PTPRN2: variants seen among roughly 807,000 people sequenced by gnomAD.
PTPRN2 encodes the protein protein tyrosine phosphatase receptor type N2.
Under a neutral mutation model 118.8 loss-of-function variants are expected in PTPRN2, and 74 were observed. The observed-to-expected ratio is 0.62, with a 90% CI of 0.52 to 0.76. The LOEUF is 0.76. Among genes scored for constraint, PTPRN2 ranks in the 30% least tolerant of loss-of-function variants. The probability of loss-of-function intolerance (pLI) is 0.00; values close to 1 mark genes in which losing one functional copy is unlikely to be tolerated. For missense variants in PTPRN2, 1,481 were observed against 1,394.4 expected (o/e 1.06, Z -0.99); for synonymous variants, 641 against 608.0 (o/e 1.05, Z -0.80).
At chr7:158,561,778 CG>C (rs954526632) in intron 1 of PTPRN2, among the ~76,000 whole-genome samples, 22 of 152,138 alleles carry the variant, frequency 1.4e-4, no homozygotes, top group African/African-American at 4.8e-4. Flanking sequence ...GGAGATGGCC[CG>C]GGCCAACACC....
intron 2 of PTPRN2, among the ~76,000 whole-genome samples, chr7:158,444,449 C>T (rs975198447): frequency 2.6e-5 from 4 of 152,262 alleles, no homozygotes; most frequent in Non-Finnish European, 4.4e-5. Context: ...ACACCTGCTG[C>T]AAACGTCAGT....
rs539749375 is a variant in PTPRN2 at position 157,779,901 on chromosome 7, A to G, written c.1789-96964T>C. On this transcript the variant is annotated intron_variant, in intron 12 of 22. Coordinates refer to ENST00000389418, the MANE Select transcript of PTPRN2 (RefSeq NM_002847.5). This position sits in a 1 kb window ranked among gnomAD's most constrained non-coding sequence, Gnocchi z 4.7. ...ACGCCACTGATACCATCGACGTACAACACGCCGCAAGCAGCCCTCGAGGAA... is the reference window on the plus strand; with the variant it reads ...ACGCCACTGATACCATCGACGTACAGCACGCCGCAAGCAGCCCTCGAGGAA... Among the ~76,000 whole-genome samples the G allele has an allele frequency of 1.3e-5, 2 of 152,274 alleles. No homozygotes were observed. The highest frequency in any genetic ancestry group is 4.1e-4 in the South Asian group (2 of 4,822).
At chr7:157,559,826 G>A (rs1238321455) in intron 21 of PTPRN2, among the ~76,000 whole-genome samples, 1 of 151,414 alleles carries the variant, frequency 6.6e-6, no homozygotes, top group African/African-American at 2.4e-5. Context: ...CAGGGCTGTG[G>A]CCCCCCCCGC....
chr7:158,422,585 C>T (rs1317211028), intron 2 of PTPRN2, among the ~76,000 whole-genome samples: 1 of 152,266 alleles, frequency 6.6e-6, no homozygotes, highest in Middle Eastern at 3.2e-3. Flanking sequence ...CATCTGAAGG[C>T]CTCAGCAGCT....
chr7:158,117,691 T>A (rs2150385032), intron 9 of PTPRN2, among the ~76,000 whole-genome samples: 1 of 152,170 alleles, frequency 6.6e-6, no homozygotes, highest in South Asian at 2.1e-4. Flanking sequence ...AAGCAGTTCA[T>A]CACACACCAG....
At chr7:157,691,866 C>G (rs994709978) in intron 12 of PTPRN2, among the ~76,000 whole-genome samples, 1 of 152,204 alleles carries the variant, frequency 6.6e-6, no homozygotes, top group African/African-American at 2.4e-5. Context: ...CACCTCCCCC[C>G]CGCGCCTCCC....
At chr7:158,454,881 C>A (rs372033140) in intron 2 of PTPRN2, among the ~76,000 whole-genome samples, 1 of 152,060 alleles carries the variant, frequency 6.6e-6, no homozygotes, top group East Asian at 2.0e-4. Flanking sequence ...ACAGAGATGA[C>A]GGCTGTTGCA....
intron 6 of PTPRN2, among the ~76,000 whole-genome samples, chr7:158,155,466 T>TCATCAC (rs1290028725): frequency 6.7e-6 from 1 of 149,556 alleles, no homozygotes; most frequent in Non-Finnish European, 1.5e-5. Context: ...ATCACCATCA[T>TCATCAC]CATCACCATC....
intron 13 of PTPRN2, among the ~76,000 whole-genome samples, chr7:157,662,029 C>A (rs756711718): frequency 6.6e-6 from 1 of 152,208 alleles, no homozygotes; most frequent in Non-Finnish European, 1.5e-5. Flanking sequence ...AACTTTGGTT[C>A]TTTTCCTTGA....
chr7:158,215,847 C>T, intron 3 of PTPRN2, among the ~76,000 whole-genome samples: 1 of 152,090 alleles, frequency 6.6e-6, no homozygotes, highest in East Asian at 1.9e-4. Flanking sequence ...GTGTTTTTCA[C>T]CAGACCAACT....
At chr7:158,277,511 G>A (rs1233797075) in intron 3 of PTPRN2, among the ~76,000 whole-genome samples, 5 of 152,244 alleles carry the variant, frequency 3.3e-5, no homozygotes, top group Middle Eastern at 3.4e-3. Flanking sequence ...AAGAGGAGGC[G>A]GCTACAGTGC....
intron 14 of PTPRN2, among the ~76,000 whole-genome samples, chr7:157,623,329 C>T (rs1365874326): frequency 1.3e-5 from 2 of 152,168 alleles, no homozygotes; most frequent in African/African-American, 4.8e-5. Flanking sequence ...CTACTTTTCT[C>T]AAGTTGGGCT....
chr7:157,570,407 T>C lies in PTPRN2; in HGVS notation c.2837+1033A>G, dbSNP rs142964762. Among the ~76,000 whole-genome samples, 170 of 152,372 alleles carry C rather than the reference T, an allele frequency of 1.1e-3. 1 individual carries two copies. Among genetic ancestry groups the C allele is most frequent in the African/African-American group, 4.0e-3 (168 of 41,586 alleles). Reference sequence around the variant, plus strand: ...CATCCTCCTCTCTCATAGACAGGAATGCACACACAAAACACACATGCTTCT... The same window carrying C: ...CATCCTCCTCTCTCATAGACAGGAACGCACACACAAAACACACATGCTTCT... On this transcript the variant is annotated intron_variant, in intron 20 of 22. Coordinates refer to ENST00000389418, the MANE Select transcript of PTPRN2 (RefSeq NM_002847.5).
At chr7:157,731,431 C>A (rs1490134912) in intron 12 of PTPRN2, among the ~76,000 whole-genome samples, 1 of 152,182 alleles carries the variant, frequency 6.6e-6, no homozygotes, top group South Asian at 2.1e-4. Context: ...CAGAGGTCTC[C>A]CTGGGGACAG....
At chr7:158,420,950 G>A (rs527797449) in intron 2 of PTPRN2, among the ~76,000 whole-genome samples, 3 of 152,334 alleles carry the variant, frequency 2.0e-5, no homozygotes, top group Admixed American at 6.5e-5. Flanking sequence ...GGGCCTGACA[G>A]AGATGTCCAA....
chr7:158,171,433 C>T lies in PTPRN2; in HGVS notation c.550-4142G>A, dbSNP rs548954811. Among the ~76,000 whole-genome samples, 9 of 150,502 alleles carry T rather than the reference C, an allele frequency of 6.0e-5. No individual in the cohort carries two copies. The South Asian group carries it at 1.9e-3, about 32-fold the overall frequency. On this transcript the variant is annotated intron_variant, in intron 5 of 22. Coordinates refer to ENST00000389418, the MANE Select transcript of PTPRN2 (RefSeq NM_002847.5). Reference sequence around the variant, plus strand: ...GCGTGATCTTGGCTCACTGCAACCTCCACCTCCTGGGTTCAAGTGATTCTC... The same window carrying T: ...GCGTGATCTTGGCTCACTGCAACCTTCACCTCCTGGGTTCAAGTGATTCTC...
At chr7:157,544,302 G>A (rs1367030250) in intron 22 of PTPRN2, among the ~76,000 whole-genome samples, 4 of 152,208 alleles carry the variant, frequency 2.6e-5, no homozygotes, top group African/African-American at 7.2e-5. Context: ...GACAGAATCC[G>A]TGTCTGTCAC....
At position 157,585,437 on chromosome 7, in the gene PTPRN2, G is replaced by C. The variant is rs2150544610; in HGVS notation, c.2497-7297C>G. Reference sequence around the variant, plus strand: ...AAGCAGACCCCGTGTGGCTTGGTGTGGCCATCCTGCCGCATAGGGGTTCCC... The same window carrying C: ...AAGCAGACCCCGTGTGGCTTGGTGTCGCCATCCTGCCGCATAGGGGTTCCC... On this transcript the variant is annotated intron_variant, in intron 17 of 22. Transcript: ENST00000389418. This position sits in a 1 kb window ranked among gnomAD's most constrained non-coding sequence, Gnocchi z 5.2. Among the ~76,000 whole-genome samples the C allele has an allele frequency of 6.6e-6, 1 of 152,304 alleles. No individual in the cohort carries two copies. The highest frequency in any genetic ancestry group is 2.4e-5 in the African/African-American group (1 of 41,572).
Position 157,539,308 on chromosome 7 carries a change from C to T in PTPRN2, c.*1406G>A, listed in dbSNP as rs192205176. 3.9e-5 allele frequency: 6 copies of T among 152,274 alleles called. No individual in the cohort carries two copies. The highest frequency in any genetic ancestry group is 7.2e-5 in the African/African-American group (3 of 41,544). The allele number at this position is 152,274 out of a possible 1,614,324, so 9.4% of individuals were successfully genotyped here. A position where few individuals can be genotyped will look rare whatever the true frequency, so the allele number is the denominator to read the frequency against. On this transcript the variant is annotated 3_prime_UTR_variant, in exon 23 of 23. Transcript: ENST00000389418. The stretch of plus-strand genomic sequence containing the variant: ...AGCAATATTTTGGCATCATTCTGTC[C>T]GCTCAGTAGGCCGTGTTCCCTCTGG...
Sources: gnomAD v4.1 joint callset for allele counts (sites outside exome capture counted in the v4.1 genomes callset) on GRCh38, gnomAD v4.1.1 for gene constraint, Gnocchi (gnomAD v3.1) non-coding constraint, MANE v1.5 for transcripts, NCBI Gene and HGNC (gene_info 2026-07-23, HGNC 2026-07-21) for gene names.